The following EDA variants were observed in gnomAD, a reference collection of about 807,000 sequenced individuals.
The protein encoded by EDA is ectodysplasin-A.
Under a neutral mutation model 23.6 loss-of-function variants are expected in EDA, and 2 were observed. That is an observed-to-expected ratio of 0.08 (90% confidence interval 0.03 to 0.27). The LOEUF (loss-of-function observed/expected upper bound fraction) is 0.27, where lower values mean the gene tolerates loss of function less well. Among genes scored for constraint, EDA ranks in the 10% least tolerant of loss-of-function variants. EDA has a pLI of 1.00. For missense variants in EDA, 229 were observed against 324.2 expected (o/e 0.71, Z 2.26); for synonymous variants, 131 against 132.0 (o/e 0.99, Z 0.05).
intron 1 of EDA, among the ~76,000 whole-genome samples, chrX:69,714,202 A>G (rs963308765): frequency 9.0e-6 from 1 of 110,987 alleles, no homozygotes; most frequent in Non-Finnish European, 1.9e-5. Flanking sequence ...TTGATCTGCA[A>G]TCTCTGTGTC....
intron 1 of EDA, among the ~76,000 whole-genome samples, chrX:69,716,730 G>T (rs1602329444): frequency 9.0e-6 from 1 of 111,368 alleles, no homozygotes; most frequent in East Asian, 2.8e-4. Flanking sequence ...ATTTGTTTGT[G>T]TCTTTCCTGA....
intron 1 of EDA, among the ~76,000 whole-genome samples, chrX:69,679,606 G>A (rs1191147444): frequency 8.9e-6 from 1 of 111,993 alleles, no homozygotes; most frequent in Admixed American, 9.5e-5. Flanking sequence ...GTGTATTTGT[G>A]TAGAGGTGTT....
At chrX:69,903,596 A>AAC (rs200847087) in intron 1 of EDA, among the ~76,000 whole-genome samples, 23,579 of 101,994 alleles carry the variant, frequency 0.23, 2,326 homozygotes, top group African/African-American at 0.33. Context: ...CACACACATA[A>AAC]ACACACACAC....
chrX:69,618,742 C>T (rs1932072821), intron 1 of EDA, among the ~76,000 whole-genome samples: 1 of 111,711 alleles, frequency 9.0e-6, no homozygotes, highest in African/African-American at 3.3e-5. Context: ...TTTTGTTCTA[C>T]TCTGCCTGTA....
chrX:70,017,186 T>C (rs1032046633), intron 2 of EDA, among the ~76,000 whole-genome samples: 14 of 111,596 alleles, frequency 1.3e-4, no homozygotes, highest in African/African-American at 4.6e-4. Context: ...AACAGACCAA[T>C]AATGAGCTCC....
At chrX:69,811,808 T>C (rs1037441080) in intron 1 of EDA, among the ~76,000 whole-genome samples, 3 of 112,079 alleles carry the variant, frequency 2.7e-5, no homozygotes, top group South Asian at 3.7e-4. Flanking sequence ...ATGGCAAGTA[T>C]CTTTGGTTTT....
chrX:69,616,786 A>C, intron 1 of EDA, 82 bp downstream of exon 1: 1 of 1,162,494 alleles, frequency 8.6e-7, no homozygotes, highest in Non-Finnish European at 1.2e-6. Context: ...GCCTGGGAGC[A>C]CTCAGCAACC....
chrX:69,642,820 AG>A (rs771179024), intron 1 of EDA, among the ~76,000 whole-genome samples: 2 of 111,780 alleles, frequency 1.8e-5, no homozygotes, highest in Admixed American at 9.5e-5. Flanking sequence ...GTGTTCACAA[AG>A]CCAGTAAGCC....
In EDA at chrX:69,933,369, A is replaced by G. The variant is rs189647825; in HGVS notation, c.397-23658A>G. On this transcript the variant is annotated intron_variant, in intron 1 of 7. Coordinates refer to ENST00000374552, the MANE Select transcript of EDA (RefSeq NM_001399.5). The stretch of plus-strand genomic sequence containing the variant: ...TTTTCTTGCATCGTCTGCTACATTC[A>G]TAAGTTTCTCTAATTTCTTAAAGAT... Among the ~76,000 whole-genome samples, 5 of 111,508 alleles carry G rather than the reference A, an allele frequency of 4.5e-5. No homozygotes were observed. The Admixed American group carries it at 4.8e-4, about 11-fold the overall frequency.
At chrX:70,017,485 A>C (rs931970761) in intron 2 of EDA, among the ~76,000 whole-genome samples, 1 of 112,166 alleles carries the variant, frequency 8.9e-6, no homozygotes, top group African/African-American at 3.2e-5. Flanking sequence ...GCAGCACCTC[A>C]AAAAAGCTAA....
chrX:70,011,878 T>C lies in EDA; in HGVS notation c.503-11340T>C, dbSNP rs1314308564. On this transcript the variant is annotated intron_variant, in intron 2 of 7. Coordinates refer to ENST00000374552, the MANE Select transcript of EDA (RefSeq NM_001399.5). ...CCCTGGGCTTTGAGTAGAGACAGAG[T>C]ATGTAGTGTCCCCTAATTTAGCAGT... Among the ~76,000 whole-genome samples, 4 of 111,627 alleles carry C rather than the reference T, an allele frequency of 3.6e-5. No individual in the cohort carries two copies. The East Asian group carries it at 1.1e-3, about 32-fold the overall frequency.
intron 1 of EDA, among the ~76,000 whole-genome samples, chrX:69,771,089 G>A (rs749634597): frequency 2.3e-4 from 25 of 109,851 alleles, no homozygotes; most frequent in Admixed American, 2.9e-4. Context: ...ACAGAGTCTC[G>A]CTCTGTGGCC....
At chrX:69,954,071 A>C (rs1340709697) in intron 1 of EDA, among the ~76,000 whole-genome samples, 1 of 111,435 alleles carries the variant, frequency 9.0e-6, no homozygotes, top group Non-Finnish European at 1.9e-5. Flanking sequence ...AAAGTACAAA[A>C]ATTTCAAAAG....
intron 1 of EDA, among the ~76,000 whole-genome samples, chrX:69,636,651 A>T (rs1327348): frequency 5.0e-5 from 5 of 99,303 alleles, no homozygotes; most frequent in Non-Finnish European, 4.1e-5. Flanking sequence ...TTTTTTTTTG[A>T]TGCTCAAACT....
rs2019355424 is a variant in EDA at position 69,978,517 on chromosome X, A to AAAT, written c.502+21387_502+21388insTAA. On this transcript the variant is annotated intron_variant, in intron 2 of 7. Coordinates refer to ENST00000374552, the MANE Select transcript of EDA (RefSeq NM_001399.5). ...GAATCTGTCTCAAAAAAAAAAAAAA[A>AAAT]AAAGAAAGAAAGAAAAAAAGCAGCT... 2.9e-5 allele frequency among the ~76,000 whole-genome samples: 3 copies of AAAT among 103,280 alleles called. No individual in the cohort carries two copies. In the Admixed American group the frequency reaches 3.4e-4, roughly 12 times the overall value. 89.7% of individuals were successfully genotyped at this position (103,280 alleles called of 115,157 possible).
chrX:69,730,809 C>T (rs1473777247), intron 1 of EDA, among the ~76,000 whole-genome samples: 1 of 112,270 alleles, frequency 8.9e-6, no homozygotes, highest in Non-Finnish European at 1.9e-5. Flanking sequence ...ATCTTCATTG[C>T]TTTATGTAAG....
intron 7 of EDA, among the ~76,000 whole-genome samples, chrX:70,034,504 T>C (rs2020238501): frequency 8.9e-6 from 1 of 111,762 alleles, no homozygotes; most frequent in African/African-American, 3.3e-5. Flanking sequence ...CCTGATGTCC[T>C]GTGAGCCAAG....
intron 2 of EDA, among the ~76,000 whole-genome samples, chrX:70,015,996 T>C (rs1428188791): frequency 4.7e-5 from 5 of 105,738 alleles, no homozygotes; most frequent in Non-Finnish European, 9.7e-5. Flanking sequence ...GTGACACTCA[T>C]AGGCCCAAAG....
At chrX:69,777,770 A>G (rs1032603514) in intron 1 of EDA, among the ~76,000 whole-genome samples, 4 of 112,127 alleles carry the variant, frequency 3.6e-5, no homozygotes, top group Non-Finnish European at 7.5e-5. Flanking sequence ...TTAAGTATAA[A>G]TTACAAAATG....
Sources: allele counts gnomAD v4.1 joint callset (sites outside exome capture counted in the v4.1 genomes callset), GRCh38; gene constraint gnomAD v4.1.1; transcripts MANE v1.5; gene names NCBI Gene and HGNC (gene_info 2026-07-23, HGNC 2026-07-21).